EML6: variants seen among roughly 807,000 people sequenced by gnomAD.
EML6 encodes EMAP like 6.
EML6 carries 154 observed loss-of-function variants against 240.1 expected under a neutral mutation model. The observed-to-expected ratio is 0.64, with a 90% confidence interval of 0.56 to 0.73. The LOEUF (loss-of-function observed/expected upper bound fraction) is 0.73. Among genes scored for constraint, EML6 ranks in the 30% least tolerant of loss-of-function variants. The probability of loss-of-function intolerance (pLI) is 0.00; values close to 1 mark genes in which losing one functional copy is unlikely to be tolerated. For synonymous variants in EML6, 1,148 were observed against 899.0 expected, an observed-to-expected ratio of 1.28 and a Z score of -4.95; for missense variants, 2,964 against 2,474.6, an observed-to-expected ratio of 1.20 and a Z score of -4.20.
At chr2:54,862,864 T>TGG (rs1169914256) in intron 12 of EML6, among the ~76,000 whole-genome samples, 1 of 152,122 alleles carries the variant, frequency 6.6e-6, no homozygotes, top group African/African-American at 2.4e-5. Context: ...AATTAACCCT[T>TGG]GGGGGATAAC....
intron 28 of EML6, among the ~76,000 whole-genome samples, chr2:54,946,951 C>CTG (rs1388639725): frequency 6.6e-6 from 1 of 151,544 alleles, no homozygotes; most frequent in African/African-American, 2.4e-5. Context: ...CGGATTGCGT[C>CTG]TGTGTATATA....
chr2:54,760,614 T>G (rs767340806), intron 2 of EML6, among the ~76,000 whole-genome samples: 6 of 152,178 alleles, frequency 3.9e-5, no homozygotes, highest in Non-Finnish European at 8.8e-5. Context: ...GGCCGGTATA[T>G]GACACTATCA....
intron 28 of EML6, among the ~76,000 whole-genome samples, chr2:54,942,567 T>C (rs1178156233): frequency 6.6e-6 from 1 of 152,086 alleles, no homozygotes; most frequent in African/African-American, 2.4e-5. Context: ...CTCTTGTGGG[T>C]GTGTTTAAAC....
At chr2:54,787,910 C>G (rs1345499439) in intron 2 of EML6, among the ~76,000 whole-genome samples, 1 of 152,152 alleles carries the variant, frequency 6.6e-6, no homozygotes, top group Non-Finnish European at 1.5e-5. Flanking sequence ...CACCCCGTCC[C>G]CCGAGGCCTA....
chr2:54,780,847 A>T (rs1358631857), intron 2 of EML6, among the ~76,000 whole-genome samples: 2 of 152,238 alleles, frequency 1.3e-5, no homozygotes, highest in Non-Finnish European at 1.5e-5. Flanking sequence ...GAATTGTTGC[A>T]TGAGTATAAT....
intron 26 of EML6, among the ~76,000 whole-genome samples, chr2:54,918,713 C>T (rs1290268726): frequency 1.3e-5 from 2 of 152,084 alleles, no homozygotes; most frequent in Non-Finnish European, 2.9e-5. Context: ...TTAAATTTAC[C>T]CCCCTGTACA....
intron 2 of EML6, among the ~76,000 whole-genome samples, chr2:54,763,856 C>T (rs550776191): frequency 1.1e-4 from 16 of 152,278 alleles, no homozygotes; most frequent in Non-Finnish European, 2.4e-4. Flanking sequence ...CTGATGCTGC[C>T]TTCAGGCTCC....
intron 21 of EML6, among the ~76,000 whole-genome samples, chr2:54,898,227 C>T (rs968886733): frequency 1.6e-4 from 24 of 151,988 alleles, no homozygotes; most frequent in South Asian, 2.1e-4. Flanking sequence ...AAGCCTGCCT[C>T]GCTTACTGTC....
intron 3 of EML6, among the ~76,000 whole-genome samples, chr2:54,816,507 A>G (rs530221595): frequency 2.6e-5 from 4 of 152,164 alleles, no homozygotes; most frequent in Non-Finnish European, 5.9e-5. Flanking sequence ...TGTAGTTTCT[A>G]TTGACGTTTC....
chr2:54,813,668 C>A (rs951219237), intron 3 of EML6, among the ~76,000 whole-genome samples: 7 of 152,154 alleles, frequency 4.6e-5, no homozygotes, highest in African/African-American at 1.4e-4. Flanking sequence ...CACCATAGCC[C>A]AGTAATTCTA....
intron 24 of EML6, among the ~76,000 whole-genome samples, chr2:54,905,321 G>GACAC (rs70944194): frequency 0.018 from 2,169 of 121,594 alleles, 47 homozygotes; most frequent in Middle Eastern, 0.041. Context: ...TTTAGAATCC[G>GACAC]ACACACACAC....
Position 54,853,664 on chromosome 2 carries a change from A to G in EML6, c.1466A>G (p.Lys489Arg). 6.5e-7 allele frequency: 1 copy of G among 1,546,288 alleles called. No individual in the cohort carries two copies. The highest frequency in any genetic ancestry group is 8.7e-7 in the Non-Finnish European group (1 of 1,143,856). ...TCAGCTGGGAAGCCTTTAACAAGTA[A>G]AGAAGAAATTAAAGGGATTCCTTGG... is the stretch of plus-strand genomic sequence containing the variant. ...RMPSGKPLTS[K>R]EEIKGIPWAS... The change falls in exon 11 of 42, where the codon AAA becomes AGA. Residue 489 changes from lysine (K) to arginine (R), a missense_variant. Transcript: ENST00000356458.
chr2:54,869,105 C>A, intron 14 of EML6, 76 bp from the exon 15 acceptor site: 1 of 958,592 alleles, frequency 1.0e-6, no homozygotes, highest in Non-Finnish European at 1.6e-6. Flanking sequence ...ATATGTTAGC[C>A]TTGCCTCTGA....
At chr2:54,778,705 G>T (rs925585581) in intron 2 of EML6, among the ~76,000 whole-genome samples, 1 of 151,780 alleles carries the variant, frequency 6.6e-6, no homozygotes, top group Non-Finnish European at 1.5e-5. Flanking sequence ...TGGCTATCAC[G>T]GTGAAACCCC....
chr2:54,882,400 A>C (rs1294021811), intron 17 of EML6: 2 of 151,984 alleles, frequency 1.3e-5, no homozygotes, highest in Non-Finnish European at 2.9e-5. Flanking sequence ...CAATCAGGGC[A>C]GAATAATGCA....
At chr2:54,918,293 C>T (rs528029796) in intron 26 of EML6, among the ~76,000 whole-genome samples, 1 of 152,178 alleles carries the variant, frequency 6.6e-6, no homozygotes, top group South Asian at 2.1e-4. Context: ...AATCACACGT[C>T]AACTCAAGGA....
At chr2:54,950,836 C>G (rs976950621) in intron 30 of EML6, 57 bp downstream of exon 30, 69 of 1,514,548 alleles carry the variant, frequency 4.6e-5, no homozygotes, top group Non-Finnish European at 5.9e-5. Flanking sequence ...ACATGCTTTC[C>G]CCACTCTTTA....
chr2:54,773,718 T>A (rs1668488904), intron 2 of EML6, among the ~76,000 whole-genome samples: 1 of 152,212 alleles, frequency 6.6e-6, no homozygotes, highest in East Asian at 1.9e-4. Flanking sequence ...ACTGGGAACT[T>A]CTTTCTTGCA....
intron 8 of EML6, among the ~76,000 whole-genome samples, chr2:54,844,593 A>C (rs760162441): frequency 3.3e-5 from 5 of 152,200 alleles, no homozygotes; most frequent in Non-Finnish European, 7.3e-5. Flanking sequence ...AGGGGGCTGC[A>C]TGGAGATTTT....
Sources: gnomAD v4.1 joint callset for allele counts (sites outside exome capture counted in the v4.1 genomes callset) on GRCh38, gnomAD v4.1.1 for gene constraint, MANE v1.5 for transcripts, NCBI Gene and HGNC (gene_info 2026-07-23, HGNC 2026-07-21) for gene names.